Variants in SLC25A17 observed in about 807,000 individuals in gnomAD.
SLC25A17 encodes peroxisomal membrane protein PMP34.
A neutral mutation model predicts 38.5 loss-of-function variants in SLC25A17; 26 were observed. The observed-to-expected ratio is 0.68, with a 90% CI of 0.50 to 0.94. SLC25A17 has a LOEUF of 0.94. Ranked by LOEUF, SLC25A17 falls within the 40% of genes least tolerant of loss-of-function variation. The pLI, the probability that SLC25A17 is intolerant of heterozygous loss-of-function variation, is 0.00. For missense variants in SLC25A17, 333 were observed against 372.7 expected (o/e 0.89, Z 0.88); for synonymous variants, 139 against 136.2 (o/e 1.02, Z -0.14).
chr22:40,798,239 C>T (rs1311050364), intron 2 of SLC25A17: 3 of 152,434 alleles, frequency 2.0e-5, no homozygotes, highest in African/African-American at 7.2e-5. Flanking sequence ...TTGTCAGCAA[C>T]AACTGGGCAA....
At position 40,788,726 on chromosome 22, in the gene SLC25A17, A is replaced by C. The variant is rs73424692; in HGVS notation, c.334+3799T>G. 883 of 232,960 alleles carry C rather than the reference A, an allele frequency of 3.8e-3. 8 individuals are homozygous for C. Among genetic ancestry groups the C allele is most frequent in the African/African-American group, 0.019 (818 of 43,434 alleles). 14.4% of individuals were successfully genotyped at this position (232,960 alleles called of 1,614,324 possible). A position where few individuals can be genotyped will look rare whatever the true frequency, so the allele number is the denominator to read the frequency against. On this transcript the variant is annotated intron_variant, in intron 4 of 8. Coordinates refer to ENST00000435456, the MANE Select transcript of SLC25A17 (RefSeq NM_006358.4). The stretch of plus-strand genomic sequence containing the variant: ...AATAAAATAAAATAAAAACAAAACA[A>C]AACACTGAAATACTGGAAGACAGTG...
At chr22:40,815,834 C>T (rs1184645657) in intron 1 of SLC25A17, among the ~76,000 whole-genome samples, 1 of 152,056 alleles carries the variant, frequency 6.6e-6, no homozygotes, top group East Asian at 1.9e-4. Flanking sequence ...TTATACAATA[C>T]TATGTATGAC....
rs754071170 is a variant in SLC25A17 at position 40,789,121 on chromosome 22, A to G, written c.334+3404T>C. ...CCAACCATAATAAATGCCACTGGAT[A>G]TATCGGCTGGCAGATTATCTACCAC... On this transcript the variant is annotated intron_variant, in intron 4 of 8. Transcript: ENST00000435456. This position sits in a 1 kb window ranked among gnomAD's most constrained non-coding sequence, Gnocchi z 4.5. 3 of 269,934 alleles carry G rather than the reference A, an allele frequency of 1.1e-5. No individual in the cohort carries two copies. The highest frequency in any genetic ancestry group is 7.8e-5 in the Admixed American group (2 of 25,732). The allele number at this position is 269,934 out of a possible 1,614,324, so 16.7% of individuals were successfully genotyped here. A position where few individuals can be genotyped will look rare whatever the true frequency, so the allele number is the denominator to read the frequency against.
At chr22:40,794,460 A>C in intron 3 of SLC25A17, 54 bp downstream of exon 3, 1 of 1,060,356 alleles carries the variant, frequency 9.4e-7, no homozygotes, top group Non-Finnish European at 1.5e-6. Context: ...TACTGGAAGC[A>C]CAGGAATCTC....
chr22:40,806,736 C>T (rs1052914153), intron 1 of SLC25A17, among the ~76,000 whole-genome samples: 17 of 152,164 alleles, frequency 1.1e-4, no homozygotes, highest in African/African-American at 3.9e-4. Context: ...CTTCCCATTT[C>T]CCCCTTCACT....
chr22:40,801,550 T>C (rs181386310), intron 1 of SLC25A17, among the ~76,000 whole-genome samples: 3 of 152,306 alleles, frequency 2.0e-5, no homozygotes, highest in Non-Finnish European at 4.4e-5. Flanking sequence ...CTAGTCATGA[T>C]AAATGATTAA....
intron 4 of SLC25A17, among the ~76,000 whole-genome samples, chr22:40,790,001 C>T (rs539468795): frequency 3.3e-5 from 5 of 151,752 alleles, no homozygotes; most frequent in African/African-American, 1.2e-4. Flanking sequence ...CCCGTAGACT[C>T]TCCTATGTGT....
At chr22:40,781,137 C>T (rs1400665018) in intron 4 of SLC25A17, among the ~76,000 whole-genome samples, 1 of 151,928 alleles carries the variant, frequency 6.6e-6, no homozygotes, top group Non-Finnish European at 1.5e-5. Context: ...TGCCACTGCA[C>T]TCCAGAGCTG....
chr22:40,771,012 G>C (rs370870354), intron 8 of SLC25A17, 31 bp from the exon 9 acceptor site: 36 of 1,510,518 alleles, frequency 2.4e-5, no homozygotes, highest in Admixed American at 3.9e-5. Context: ...AAAAACAGAA[G>C]TCAGCTCCTG....
At chr22:40,801,173 A>AT (rs1249224935) in intron 1 of SLC25A17, among the ~76,000 whole-genome samples, 2 of 138,016 alleles carry the variant, frequency 1.4e-5, no homozygotes, top group Admixed American at 1.4e-4. Flanking sequence ...ATATATGTAA[A>AT]TGATAAATAA....
chr22:40,816,482 C>T (rs2057640677), intron 1 of SLC25A17, among the ~76,000 whole-genome samples: 1 of 152,128 alleles, frequency 6.6e-6, no homozygotes, highest in Admixed American at 6.5e-5. Flanking sequence ...GACAACGGTA[C>T]ACAAAGCCTA....
At chr22:40,797,378 C>T (rs2057440285) in intron 2 of SLC25A17, 2 of 1,136,114 alleles carry the variant, frequency 1.8e-6, no homozygotes, top group Non-Finnish European at 1.2e-6. Context: ...GTTGTAGAGT[C>T]CCATAAAGCT....
chr22:40,810,683 G>C (rs34545786), intron 1 of SLC25A17, among the ~76,000 whole-genome samples: 541 of 152,112 alleles, frequency 3.6e-3, no homozygotes, highest in Admixed American at 7.6e-3. Flanking sequence ...TCAAAGCAAA[G>C]CATGCACATA....
intron 1 of SLC25A17, among the ~76,000 whole-genome samples, chr22:40,813,536 TA>T (rs896597299): frequency 6.1e-5 from 9 of 146,890 alleles, no homozygotes; most frequent in African/African-American, 1.3e-4. Context: ...AGACTCTGTA[TA>T]AAAAAAAAAT....
chr22:40,805,692 G>A lies in SLC25A17; in HGVS notation c.55-6609C>T, dbSNP rs1049060521. ...ACACCAGATAAGCAAAAAAGTCCTCGCATTCAAAGGGCTGGACACGGCTGC... is the reference window on the plus strand; with the variant it reads ...ACACCAGATAAGCAAAAAAGTCCTCACATTCAAAGGGCTGGACACGGCTGC... On this transcript the variant is annotated intron_variant, in intron 1 of 8. Coordinates refer to ENST00000435456, the MANE Select transcript of SLC25A17 (RefSeq NM_006358.4). Among the ~76,000 whole-genome samples, 163 of 152,072 alleles carry A rather than the reference G, an allele frequency of 1.1e-3. 2 individuals carry two copies. The highest frequency in any genetic ancestry group is 3.9e-4 in the Admixed American group (6 of 15,252).
At chr22:40,787,452 C>G (rs1441631284) in intron 4 of SLC25A17, among the ~76,000 whole-genome samples, 3 of 152,184 alleles carry the variant, frequency 2.0e-5, no homozygotes, top group African/African-American at 7.2e-5. Flanking sequence ...GAGTAGCCTA[C>G]CTGTTACAAG....
intron 1 of SLC25A17, among the ~76,000 whole-genome samples, chr22:40,816,907 A>G (rs909224382): frequency 2.0e-5 from 3 of 151,936 alleles, no homozygotes; most frequent in South Asian, 2.1e-4. Context: ...CACCGCACCC[A>G]GCCTATTCAT....
chr22:40,800,380 CA>C (rs575599812), intron 1 of SLC25A17, among the ~76,000 whole-genome samples: 15 of 151,936 alleles, frequency 9.9e-5, no homozygotes, highest in East Asian at 7.7e-4. Context: ...ATAATGGTTA[CA>C]AAAAAAATTA....
In SLC25A17 at chr22:40,777,378, G is replaced by A. The variant is rs1465154194; in HGVS notation, c.452-5C>T. 2 of 1,607,230 alleles carry A rather than the reference G, an allele frequency of 1.2e-6. No individual in the cohort carries two copies. The highest frequency in any genetic ancestry group is 1.3e-5 in the African/African-American group (1 of 74,426). ...GAATGATCTGATGAAAAGCATCTAA[G>A]CAAGAAATCAGGGACTTTTGAAAAG... On this transcript the variant is annotated splice_region_variant and splice_polypyrimidine_tract_variant and intron_variant, in intron 5 of 8. Transcript: ENST00000435456.
Sources: gnomAD v4.1 joint callset for allele counts (sites outside exome capture counted in the v4.1 genomes callset) on GRCh38, gnomAD v4.1.1 for gene constraint, Gnocchi (gnomAD v3.1) non-coding constraint, MANE v1.5 for transcripts, NCBI Gene and HGNC (gene_info 2026-07-23, HGNC 2026-07-21) for gene names.